The following NPAT variants were observed in gnomAD, a reference collection of about 807,000 sequenced individuals.
NPAT encodes the protein nuclear protein, coactivator of histone transcription.
NPAT carries 52 observed loss-of-function variants against 130.7 expected under a neutral mutation model. The observed-to-expected ratio is 0.40, with a 90% CI of 0.32 to 0.50. The LOEUF (loss-of-function observed/expected upper bound fraction) is 0.50, where lower values mean the gene tolerates loss of function less well. Among genes scored for constraint, NPAT ranks in the 20% least tolerant of loss-of-function variants. NPAT has a pLI of 0.68. For missense variants in NPAT, 1,687 were observed against 1,662.6 expected (o/e 1.01, Z -0.26); for synonymous variants, 580 against 584.8 (o/e 0.99, Z 0.12).
chr11:108,172,532 T>G lies in NPAT; in HGVS notation c.2452A>C (p.Lys818Gln), dbSNP rs1349210861. Reference sequence around the variant, plus strand: ...TTGTTTACTGCAGAGTCTTCAGATTTGAATGTTAAAAGACTCTGTTCCATT... The same window carrying G: ...TTGTTTACTGCAGAGTCTTCAGATTGGAATGTTAAAAGACTCTGTTCCATT... The part of the protein sequence containing the change: ...ASMEQSLLTF[K>Q]SEDSAVNNTQ... Residue 818 changes from lysine (K) to glutamine (Q), a missense_variant, in exon 13 of 18, where the codon AAA becomes CAA. By Grantham distance (53) the Lys-to-Gln change is moderately conservative (BLOSUM62 1). Transcript: ENST00000278612. 6.2e-7 allele frequency: 1 copy of G among 1,614,212 alleles called. No individual in the cohort carries two copies. The highest frequency in any genetic ancestry group is 1.1e-5 in the South Asian group (1 of 91,084).
rs542233031 is a variant in NPAT, at chr11:108,182,299, C to T, written c.906+2933G>A. ...CTATTGACACAGGACTTCTAAGTGT[C>T]AAAGAAGAGTGAGAGCTCTCTCCCT... On this transcript the variant is annotated intron_variant, in intron 10 of 17. Transcript: ENST00000278612. 2.6e-5 allele frequency among the ~76,000 whole-genome samples: 4 copies of T among 152,250 alleles called. No individual in the cohort carries two copies. The South Asian group carries it at 8.3e-4, about 32-fold the overall frequency.
At chr11:108,194,483 ATTG>A (rs780794009) in intron 2 of NPAT, among the ~76,000 whole-genome samples, 2 of 152,180 alleles carry the variant, frequency 1.3e-5, no homozygotes, top group African/African-American at 4.8e-5. Context: ...TTTGTTCAGA[ATTG>A]TTAATTTAGA....
Position 108,157,619 on chromosome 11 carries a change from C to T in NPAT, c.*1323G>A, listed in dbSNP as rs1420320118. On this transcript the variant is annotated 3_prime_UTR_variant, in exon 18 of 18. Transcript: ENST00000278612. ...TTGGATGGATTTATTTTTTTAAAGG[C>T]CCAGTACAAAAAAATGGTTGAGGAA... 1 of 151,646 alleles carries T rather than the reference C, an allele frequency of 6.6e-6. No individual in the cohort carries two copies. Among genetic ancestry groups the T allele is most frequent in the Non-Finnish European group, 1.5e-5 (1 of 67,870 alleles). 9.4% of individuals were successfully genotyped at this position (151,646 alleles called of 1,614,324 possible).
chr11:108,219,898 A>G (rs949383753), intron 1 of NPAT, among the ~76,000 whole-genome samples: 3 of 152,274 alleles, frequency 2.0e-5, no homozygotes, highest in Admixed American at 6.5e-5. Flanking sequence ...CTATGGCAAC[A>G]TTTAAGAAGT....
chr11:108,209,986 T>G (rs1342181158), intron 1 of NPAT, among the ~76,000 whole-genome samples: 1 of 140,480 alleles, frequency 7.1e-6, no homozygotes, highest in East Asian at 2.1e-4. Flanking sequence ...AGAGTATACA[T>G]AAATGAAACA....
Position 108,158,836 on chromosome 11 carries a change from T to C in NPAT, c.*106A>G, listed in dbSNP as rs2077819658. ...GATATAAAGTGAAGTTTCAGTACAA[T>C]GAAAGTGCAGGTCATGCTTTCAGAT... On this transcript the variant is annotated 3_prime_UTR_variant, in exon 18 of 18. Coordinates refer to ENST00000278612, the MANE Select transcript of NPAT (RefSeq NM_002519.3). 7 of 716,196 alleles carry C rather than the reference T, an allele frequency of 9.8e-6. No homozygotes were observed. Among genetic ancestry groups the C allele is most frequent in the Non-Finnish European group, 1.5e-5 (6 of 399,686 alleles). The allele number at this position is 716,196 out of a possible 1,614,324, so 44.4% of individuals were successfully genotyped here.
chr11:108,187,686 G>GAAAAACACTTTTCTCAAAAGTGTTTTGA (rs547938994), intron 7 of NPAT, among the ~76,000 whole-genome samples: 2,520 of 152,250 alleles, frequency 0.017, 79 homozygotes, highest in African/African-American at 0.055. Context: ...AAGTGTTTTG[G>GAAAAACACTTTTCTCAAAAGTGTTTTGA]GAAAAACACT....
intron 2 of NPAT, among the ~76,000 whole-genome samples, chr11:108,196,160 G>A (rs2078218010): frequency 6.6e-6 from 1 of 152,116 alleles, no homozygotes; most frequent in African/African-American, 2.4e-5. Context: ...TGAGGTATTT[G>A]TAGAGGTTCT....
intron 1 of NPAT, among the ~76,000 whole-genome samples, chr11:108,221,056 C>G (rs935524482): frequency 6.6e-6 from 1 of 152,184 alleles, no homozygotes; most frequent in Non-Finnish European, 1.5e-5. Flanking sequence ...AGAATACTCA[C>G]ACATCGATGT....
In NPAT at chr11:108,158,483, A is replaced by C. The variant is rs1017231072; in HGVS notation, c.*459T>G. ...ATTTTGTAGTACTTAGTGATTGTGT[A>C]TTTAAATGTCTTATTGAATAGTTAC... On this transcript the variant is annotated 3_prime_UTR_variant, in exon 18 of 18. Transcript: ENST00000278612. The C allele has an allele frequency of 6.4e-6, 1 of 156,848 alleles. No homozygotes were observed. The highest frequency in any genetic ancestry group is 1.9e-4 in the South Asian group (1 of 5,234). The allele number at this position is 156,848 out of a possible 1,614,324, so 9.7% of individuals were successfully genotyped here.
At chr11:108,217,947 C>G (rs1331080265) in intron 1 of NPAT, among the ~76,000 whole-genome samples, 1 of 152,178 alleles carries the variant, frequency 6.6e-6, no homozygotes, top group Non-Finnish European at 1.5e-5. Context: ...AAGCCAAGAT[C>G]TCACTGCTGC....
At chr11:108,198,525 C>T (rs771397720) in intron 1 of NPAT, among the ~76,000 whole-genome samples, 32 of 152,128 alleles carry the variant, frequency 2.1e-4, no homozygotes, top group Admixed American at 1.6e-3. Flanking sequence ...GTAGGGTACC[C>T]GGTGAAACCC....
At chr11:108,190,426 T>C (rs1308420921) in intron 5 of NPAT, 34 bp downstream of exon 5, 2 of 1,572,292 alleles carry the variant, frequency 1.3e-6, no homozygotes, top group African/African-American at 1.3e-5. Flanking sequence ...AAGTTTGAAG[T>C]AATTGTGAAC....
intron 15 of NPAT, among the ~76,000 whole-genome samples, chr11:108,167,617 TTAA>T (rs1315479853): frequency 1.3e-5 from 2 of 152,224 alleles, no homozygotes; most frequent in Admixed American, 1.3e-4. Flanking sequence ...AACTGATTAC[TTAA>T]TAATTAATTT....
At chr11:108,187,162 C>T (rs537904581) in intron 7 of NPAT, among the ~76,000 whole-genome samples, 1 of 152,102 alleles carries the variant, frequency 6.6e-6, no homozygotes, top group African/African-American at 2.4e-5. Context: ...TAATGTTGCT[C>T]TTTTATGGCT....
intron 12 of NPAT, 40 bp downstream of exon 12, chr11:108,176,206 A>G: frequency 7.1e-7 from 1 of 1,412,248 alleles, no homozygotes; most frequent in Non-Finnish European, 1.0e-6. Context: ...GACTAATATT[A>G]AGATTTGGAT....
At chr11:108,202,677 T>C (rs750901601) in intron 1 of NPAT, among the ~76,000 whole-genome samples, 22 of 152,292 alleles carry the variant, frequency 1.4e-4, no homozygotes, top group Non-Finnish European at 2.2e-4. Context: ...AGACTTGCCT[T>C]AGAAATAATC....
In NPAT at chr11:108,216,336, C is replaced by T. The variant is rs113356164; in HGVS notation, c.37+6164G>A. Among the ~76,000 whole-genome samples the T allele has an allele frequency of 7.0e-3, 1,066 of 152,260 alleles. 8 individuals are homozygous for T. Among genetic ancestry groups the T allele is most frequent in the African/African-American group, 0.023 (937 of 41,542 alleles). Reference sequence around the variant, plus strand: ...TAGATTTGCTTTCCCCTAGACCATGCATTCTCAAAAGGAGTCATACTGCCC... The same window carrying T: ...TAGATTTGCTTTCCCCTAGACCATGTATTCTCAAAAGGAGTCATACTGCCC... On this transcript the variant is annotated intron_variant, in intron 1 of 17. Coordinates refer to ENST00000278612, the MANE Select transcript of NPAT (RefSeq NM_002519.3).
At chr11:108,210,747 T>G (rs192848356) in intron 1 of NPAT, among the ~76,000 whole-genome samples, 2 of 152,326 alleles carry the variant, frequency 1.3e-5, no homozygotes, top group African/African-American at 4.8e-5. Context: ...AAAGCCCAAC[T>G]GGGATCAAAT....
Sources: allele counts gnomAD v4.1 joint callset (sites outside exome capture counted in the v4.1 genomes callset), GRCh38; gene constraint gnomAD v4.1.1; transcripts MANE v1.5; gene names NCBI Gene and HGNC (gene_info 2026-07-23, HGNC 2026-07-21).